Variants in YARS1 observed in about 807,000 individuals in gnomAD.
YARS1 encodes tyrosine--tRNA ligase, cytoplasmic.
A neutral mutation model predicts 62.2 loss-of-function variants in YARS1; 36 were observed. The ratio of observed to expected loss-of-function variants is 0.58; its 90% CI spans 0.44 to 0.76. The LOEUF (loss-of-function observed/expected upper bound fraction) is 0.76. Ranked by LOEUF, YARS1 falls within the 30% of genes least tolerant of loss-of-function variation. The pLI, the probability that YARS1 is intolerant of heterozygous loss-of-function variation, is 0.00. For missense variants in YARS1, 524 were observed against 639.8 expected (o/e 0.82, Z 1.95); for synonymous variants, 234 against 244.9 (o/e 0.96, Z 0.42).
intron 3 of YARS1, among the ~76,000 whole-genome samples, chr1:32,809,132 G>A (rs1638526152): frequency 6.6e-6 from 1 of 151,662 alleles, no homozygotes. Context: ...TGTTGCCCAG[G>A]CTGGAGTGCA....
intron 3 of YARS1, among the ~76,000 whole-genome samples, chr1:32,807,718 A>G (rs1018185413): frequency 2.0e-5 from 3 of 152,088 alleles, no homozygotes; most frequent in Non-Finnish European, 2.9e-5. Context: ...CCAGCCTACC[A>G]AAGTGCTGGG....
At position 32,775,976 on chromosome 1, in the gene YARS1, G is replaced by C. The variant is rs1452443769; in HGVS notation, c.*5C>G. ...GTGGAAGAAGGGGGGAAGATGCTGGGCTGGCTAGCTAATGTTCCCCCCTTT... is the reference window on the plus strand; with the variant it reads ...GTGGAAGAAGGGGGGAAGATGCTGGCCTGGCTAGCTAATGTTCCCCCCTTT... On this transcript the variant is annotated 3_prime_UTR_variant, in exon 13 of 13. Coordinates refer to ENST00000373477, the MANE Select transcript of YARS1 (RefSeq NM_003680.4). The C allele has an allele frequency of 1.9e-6, 3 of 1,609,628 alleles. No homozygotes were observed. Among genetic ancestry groups the C allele is most frequent in the Non-Finnish European group, 2.6e-6 (3 of 1,176,000 alleles).
At chr1:32,788,305 C>T (rs1055840494) in intron 6 of YARS1, among the ~76,000 whole-genome samples, 3 of 152,010 alleles carry the variant, frequency 2.0e-5, no homozygotes, top group Admixed American at 6.6e-5. Context: ...GGATGGAGTA[C>T]AGTGGTGCAA....
intron 9 of YARS1, chr1:32,781,574 A>AT: frequency 1.1e-5 from 2 of 174,568 alleles, no homozygotes; most frequent in Admixed American, 5.6e-5. Context: ...AAAAAAAAAA[A>AT]TTTTACTGAG....
Position 32,817,216 on chromosome 1 carries a change from T to G in YARS1, c.29A>C (p.Lys10Thr). MGDAPSPEE[K>T]LHLITRNLQE... is the part of the protein sequence containing the mutation. ...CAGGTTCCGGGTGATAAGGTGCAGT[T>G]TCTCTTCAGGGCTGGGAGCGTCCCC... Residue 10 changes from lysine (K) to threonine (T), a missense_variant, in exon 1 of 13, where the codon AAA (lysine) becomes ACA (threonine). Physicochemically the swap from Lys to Thr is moderately conservative, Grantham distance 78. Coordinates refer to ENST00000373477, the MANE Select transcript of YARS1 (RefSeq NM_003680.4). 1 of 1,614,204 alleles carries G rather than the reference T, an allele frequency of 6.2e-7. No homozygotes were observed. Among genetic ancestry groups the G allele is most frequent in the South Asian group, 1.1e-5 (1 of 91,084 alleles).
chr1:32,816,803 C>T (rs540297884), intron 1 of YARS1: 1 of 323,402 alleles, frequency 3.1e-6, no homozygotes, highest in East Asian at 6.2e-5. Context: ...ATAGCATCTT[C>T]CAGTACTTAC....
At chr1:32,790,131 C>T (rs1653365683) in intron 6 of YARS1, among the ~76,000 whole-genome samples, 1 of 150,074 alleles carries the variant, frequency 6.7e-6, no homozygotes, top group African/African-American at 2.4e-5. Flanking sequence ...TATCCATCTG[C>T]CATGGCCTCC....
At chr1:32,786,811 A>C in intron 7 of YARS1, 129 bp downstream of exon 7, 1 of 1,247,788 alleles carries the variant, frequency 8.0e-7, no homozygotes. Flanking sequence ...TTTAATATAT[A>C]AGAAATCAGA....
intron 11 of YARS1, 61 bp downstream of exon 11, chr1:32,780,024 C>G: frequency 6.3e-7 from 1 of 1,597,436 alleles, no homozygotes; most frequent in Non-Finnish European, 8.6e-7. Context: ...ATCATATGGG[C>G]TGATTCCCTA....
At chr1:32,814,689 C>G (rs774867502) in intron 1 of YARS1, among the ~76,000 whole-genome samples, 2 of 152,222 alleles carry the variant, frequency 1.3e-5, no homozygotes, top group Middle Eastern at 3.2e-3. Flanking sequence ...TGCGCTTGGC[C>G]CCTCCAATCC....
chr1:32,796,992 AAAAATATATATATATAT>A (rs1653611164), intron 5 of YARS1, among the ~76,000 whole-genome samples: 1 of 21,530 alleles, frequency 4.6e-5, no homozygotes, highest in Non-Finnish European at 8.3e-5. Flanking sequence ...AAAAAAAAAA[AAAAATATATATATATAT>A]ATATATATAT....
At chr1:32,779,647 A>G in intron 11 of YARS1, 124 bp from the exon 12 acceptor site, 1 of 1,262,764 alleles carries the variant, frequency 7.9e-7, no homozygotes, top group Non-Finnish European at 1.1e-6. Flanking sequence ...TCAGTACCAG[A>G]GCCCCAGGAG....
intron 5 of YARS1, among the ~76,000 whole-genome samples, chr1:32,796,361 TTTC>T (rs1000891467): frequency 4.1e-5 from 6 of 148,024 alleles, no homozygotes; most frequent in Non-Finnish European, 4.5e-5. Flanking sequence ...TATTTATTTT[TTTC>T]TTTTTTGTTT....
chr1:32,782,430 G>A lies in YARS1; in HGVS notation c.1016C>T (p.Ala339Val), dbSNP rs145320247. Residue 339 changes from alanine to valine, a missense_variant, in exon 9 of 13, where the codon GCT becomes GTT. Physicochemically the swap from Ala to Val is moderately conservative, Grantham distance 64 (BLOSUM62 0). Coordinates refer to ENST00000373477, the MANE Select transcript of YARS1 (RefSeq NM_003680.4). ...CTGCTTTGAGGGATCTGGGTAGGCA[G>A]CGCTGGCCAGTTTTTTCAGGGCAGG... ...NTPALKKLAS[A>V]AYPDPSKQKP... is the part of the protein sequence containing the mutation. 1.9e-6 allele frequency: 3 copies of A among 1,614,024 alleles called. No individual in the cohort carries two copies. Among genetic ancestry groups the A allele is most frequent in the Non-Finnish European group, 2.5e-6 (3 of 1,179,966 alleles).
intron 9 of YARS1, chr1:32,782,046 C>T: frequency 5.6e-6 from 1 of 179,070 alleles, no homozygotes; most frequent in Non-Finnish European, 1.2e-5. Flanking sequence ...CTCAAGTGAT[C>T]CGCCTGCCTC....
chr1:32,813,452 G>A (rs1638630285), intron 1 of YARS1, among the ~76,000 whole-genome samples: 1 of 152,182 alleles, frequency 6.6e-6, no homozygotes, highest in African/African-American at 2.4e-5. Flanking sequence ...CAGAGTAGCT[G>A]AGATTACAGG....
Position 32,782,102 on chromosome 1 carries a change from G to A in YARS1, c.1042+302C>T, listed in dbSNP as rs1459293398. The A allele has an allele frequency of 1.4e-5, 6 of 422,052 alleles. No individual in the cohort carries two copies. The East Asian group carries it at 3.1e-4, about 22-fold the overall frequency. 26.1% of individuals were successfully genotyped at this position (422,052 alleles called of 1,614,324 possible). On this transcript the variant is annotated intron_variant, in intron 9 of 12. Transcript: ENST00000373477. ...TTACAGGTGTGAGCCACTGTGTCTG[G>A]CCCCGGTCACTATCTTTAATGAAGA...
intron 9 of YARS1, chr1:32,781,520 A>C: frequency 4.5e-6 from 1 of 223,246 alleles, no homozygotes; most frequent in South Asian, 6.5e-5. Flanking sequence ...GGACTTCAAG[A>C]CCAGGCTGGG....
intron 9 of YARS1, 21 bp downstream of exon 9, chr1:32,782,383 C>A: frequency 1.2e-6 from 2 of 1,613,900 alleles, no homozygotes; most frequent in Non-Finnish European, 1.7e-6. Context: ...ATGATGTCGG[C>A]CCCTCTCCAG....
Sources: gnomAD v4.1 joint callset for allele counts (sites outside exome capture counted in the v4.1 genomes callset) on GRCh38, gnomAD v4.1.1 for gene constraint, MANE v1.5 for transcripts, NCBI Gene and HGNC (gene_info 2026-07-23, HGNC 2026-07-21) for gene names.